The following PCDHGA4 variants were observed in gnomAD, a reference collection of about 807,000 sequenced individuals.
The protein encoded by PCDHGA4 is protocadherin gamma-A4.
Under a neutral mutation model 54.6 loss-of-function variants are expected in PCDHGA4, and 38 were observed. The observed-to-expected ratio is 0.70, with a 90% CI of 0.54 to 0.91. PCDHGA4 has a LOEUF of 0.91. Ranked by LOEUF, PCDHGA4 falls within the 40% of genes least tolerant of loss-of-function variation. The pLI is 0.00. For missense variants in PCDHGA4, 1,298 were observed against 1,220.9 expected (o/e 1.06, Z -0.94); for synonymous variants, 511 against 512.9 (o/e 1.00, Z 0.05).
At chr5:141,393,592 G>T (rs200863279) in intron 1 of PCDHGA4, 1 of 1,613,908 alleles carries the variant, frequency 6.2e-7, no homozygotes, top group South Asian at 1.1e-5. Flanking sequence ...CCAGGCACGC[G>T]GCTGCTTACT....
chr5:141,429,583 T>A (rs2097226045), intron 1 of PCDHGA4, among the ~76,000 whole-genome samples: 2 of 152,218 alleles, frequency 1.3e-5, no homozygotes, highest in South Asian at 4.1e-4. Flanking sequence ...TTACTTTTGA[T>A]TCTTGTAATT....
intron 1 of PCDHGA4, chr5:141,372,365 C>G: frequency 6.2e-7 from 1 of 1,613,966 alleles, no homozygotes; most frequent in South Asian, 1.1e-5. Flanking sequence ...TTTCAGCCAC[C>G]GTCATGCTGC....
At chr5:141,375,865 GGACA>G in intron 1 of PCDHGA4, 2 of 1,613,976 alleles carry the variant, frequency 1.2e-6, no homozygotes. Context: ...TGGTGGCGGT[GGACA>G]GAGACTCGGG....
At chr5:141,389,596 C>T (rs768865727) in intron 1 of PCDHGA4, 2 of 1,613,132 alleles carry the variant, frequency 1.2e-6, no homozygotes, top group Non-Finnish European at 1.7e-6. Context: ...GACGGCTCTG[C>T]GCTCTTCGAT....
At position 141,476,923 on chromosome 5, in the gene PCDHGA4, G is replaced by A. The variant is rs368207814; in HGVS notation, c.2515-17884G>A. On this transcript the variant is annotated intron_variant, in intron 1 of 3. Transcript: ENST00000571252. This position sits in a 1 kb window ranked among gnomAD's most constrained non-coding sequence, Gnocchi z 7.6. ...CGCGCGTGGTACAAGTCCTTGCAAC[G>A]GATCTGGATGAAGGCCCCAACGGTG... The A allele has an allele frequency of 5.0e-6, 8 of 1,614,024 alleles. No individual in the cohort carries two copies. Among genetic ancestry groups the A allele is most frequent in the African/African-American group, 4.0e-5 (3 of 74,952 alleles).
intron 1 of PCDHGA4, chr5:141,394,938 G>A: frequency 6.2e-7 from 1 of 1,613,780 alleles, no homozygotes; most frequent in Non-Finnish European, 8.5e-7. Context: ...CGCCTTTGTC[G>A]CTGTGCTTCT....
Position 141,355,471 on chromosome 5 carries a change from G to T in PCDHGA4, c.364G>T (p.Asp122Tyr), listed in dbSNP as rs1316340611. The change falls in exon 1 of 4, where the codon GAC becomes TAC. Residue 122 changes from aspartate (D) to tyrosine (Y), a missense_variant. Physicochemically the swap from Asp to Tyr is radical, Grantham distance 160. Coordinates refer to ENST00000571252, the MANE Select transcript of PCDHGA4 (RefSeq NM_018917.4). ...CACCTTGGTCACCGCGGGTAGGATA[G>T]ACAGGGAGGAGCTCTGCGACAGATC... ...SGTLVTAGRI[D>Y]REELCDRSPN... 1 of 1,614,102 alleles carries T rather than the reference G, an allele frequency of 6.2e-7. No individual in the cohort carries two copies. Among genetic ancestry groups the T allele is most frequent in the South Asian group, 1.1e-5 (1 of 91,084 alleles).
chr5:141,482,135 G>T (rs987110875), intron 1 of PCDHGA4, among the ~76,000 whole-genome samples: 1 of 151,836 alleles, frequency 6.6e-6, no homozygotes, highest in African/African-American at 2.4e-5. Context: ...CATATGGCTG[G>T]CATAAAAAGG....
rs1485715812 is a variant in PCDHGA4, at chr5:141,485,804, G to T, written c.2515-9003G>T. The T allele has an allele frequency of 6.2e-7, 1 of 1,614,218 alleles. No individual in the cohort carries two copies. The highest frequency in any genetic ancestry group is 1.7e-5 in the Admixed American group (1 of 60,026). ...AGAGAAGCAATCGGACTACCGCCTG[G>T]TGCTGACTGCTGTCGATGGAGGGAA... On this transcript the variant is annotated intron_variant, in intron 1 of 3. Coordinates refer to ENST00000571252, the MANE Select transcript of PCDHGA4 (RefSeq NM_018917.4). This position sits in a 1 kb window ranked among gnomAD's most constrained non-coding sequence, Gnocchi z 5.7.
At chr5:141,492,505 C>A (rs1009723421) in intron 1 of PCDHGA4, among the ~76,000 whole-genome samples, 1 of 152,212 alleles carries the variant, frequency 6.6e-6, no homozygotes, top group Admixed American at 6.5e-5. Context: ...GACTCCGGAG[C>A]CTCCTCTCAC....
intron 1 of PCDHGA4, among the ~76,000 whole-genome samples, chr5:141,465,687 T>C (rs1290838979): frequency 1.3e-5 from 2 of 152,248 alleles, no homozygotes; most frequent in Non-Finnish European, 2.9e-5. Flanking sequence ...TTGACCAGTC[T>C]GCTTTTGCAT....
At chr5:141,415,753 T>TG in intron 1 of PCDHGA4, 2 of 1,381,386 alleles carry the variant, frequency 1.4e-6, no homozygotes, top group Non-Finnish European at 1.9e-6. Context: ...TTTTTTTTTT[T>TG]TTTTTTTTTT....
rs1173375966 is a variant in PCDHGA4, at chr5:141,511,162, GAGA to G, written c.2884_2886del (p.Lys962del). 16 of 1,614,044 alleles carry G rather than the reference GAGA, an allele frequency of 9.9e-6. No individual in the cohort carries two copies. The highest frequency in any genetic ancestry group is 5.5e-5 in the South Asian group (5 of 91,078). On this transcript the variant is annotated inframe_deletion, in exon 4 of 4. Transcript: ENST00000571252. The stretch of plus-strand genomic sequence containing the variant: ...CAACAAGAAGAAGTCGGGCAAGAAG[GAGA>G]AGAAGTAACATGGAGGCCAGGCCAA...
At chr5:141,377,254 T>A (rs1332272982) in intron 1 of PCDHGA4, 1 of 149,056 alleles carries the variant, frequency 6.7e-6, no homozygotes, top group Non-Finnish European at 1.5e-5. Flanking sequence ...TGTAAGGTTC[T>A]TTCTTTTTCT....
In PCDHGA4 at chr5:141,476,707, G is replaced by A. The variant is rs1309848893; in HGVS notation, c.2515-18100G>A. 6.2e-7 allele frequency: 1 copy of A among 1,614,206 alleles called. No individual in the cohort carries two copies. The highest frequency in any genetic ancestry group is 1.7e-5 in the Admixed American group (1 of 60,032). On this transcript the variant is annotated intron_variant, in intron 1 of 3. Coordinates refer to ENST00000571252, the MANE Select transcript of PCDHGA4 (RefSeq NM_018917.4). This position sits in a 1 kb window ranked among gnomAD's most constrained non-coding sequence, Gnocchi z 7.6. ...ACAGCACCAAGTACGCGGAGCTGGT[G>A]TTGGAGCGCGCCCTGGACCGAGAAC...
intron 2 of PCDHGA4, 99 bp downstream of exon 2, chr5:141,494,964 G>A (rs2099757882): frequency 1.3e-6 from 2 of 1,594,380 alleles, no homozygotes; most frequent in Non-Finnish European, 8.5e-7. Context: ...GCTACAGATG[G>A]CTTCTCCCTC....
chr5:141,423,605 T>G lies in PCDHGA4; in HGVS notation c.2514+65984T>G. The G allele has an allele frequency of 1.6e-5, 26 of 1,612,620 alleles. No individual in the cohort carries two copies. Among genetic ancestry groups the G allele is most frequent in the Non-Finnish European group, 2.0e-5 (24 of 1,179,120 alleles). On this transcript the variant is annotated intron_variant, in intron 1 of 3. Transcript: ENST00000571252. Reference sequence around the variant, plus strand: ...AGCTGTGAGAAAAGCGAGCCACTCTTGATAGCTGAAGACTCAGCTATCATT... The same window carrying G: ...AGCTGTGAGAAAAGCGAGCCACTCTGGATAGCTGAAGACTCAGCTATCATT...
intron 1 of PCDHGA4, chr5:141,366,216 CG>C (rs1338698624): frequency 6.2e-7 from 1 of 1,613,804 alleles, no homozygotes; most frequent in Non-Finnish European, 8.5e-7. Context: ...GTGCGCACAG[CG>C]CGAGCCCTGC....
chr5:141,383,111 G>T, intron 1 of PCDHGA4: 1 of 1,614,040 alleles, frequency 6.2e-7, no homozygotes, highest in Non-Finnish European at 8.5e-7. Context: ...TCCAGAGGTA[G>T]GACGCAGCTT....
Sources: allele counts gnomAD v4.1 joint callset (sites outside exome capture counted in the v4.1 genomes callset), GRCh38; gene constraint gnomAD v4.1.1; non-coding constraint Gnocchi (gnomAD v3.1); transcripts MANE v1.5; gene names NCBI Gene and HGNC (gene_info 2026-07-23, HGNC 2026-07-21).